TRHDE: variants seen among roughly 807,000 people sequenced by gnomAD.
TRHDE encodes the protein thyrotropin-releasing hormone-degrading ectoenzyme.
TRHDE carries 72 observed loss-of-function variants against 125.7 expected under a neutral mutation model. That is an observed-to-expected ratio of 0.57 (90% CI 0.47 to 0.70). The LOEUF (loss-of-function observed/expected upper bound fraction) is 0.70, where lower values mean the gene tolerates loss of function less well. Ranked by LOEUF, TRHDE falls within the 30% of genes least tolerant of loss-of-function variation. TRHDE has a pLI of 0.00. For missense variants in TRHDE, 1,110 were observed against 1,327.1 expected (o/e 0.84, Z 2.54); for synonymous variants, 509 against 509.1 (o/e 1.00, Z 0.00).
chr12:72,399,763 T>C (rs931694756), intron 3 of TRHDE, among the ~76,000 whole-genome samples: 1 of 152,162 alleles, frequency 6.6e-6, no homozygotes, highest in Non-Finnish European at 1.5e-5. Context: ...GATTCTTTAT[T>C]AAAGTGTAGT....
At chr12:72,279,068 C>A (rs1480248957) in intron 1 of TRHDE, among the ~76,000 whole-genome samples, 1 of 152,150 alleles carries the variant, frequency 6.6e-6, no homozygotes, top group Non-Finnish European at 1.5e-5. Context: ...TAAAGATGGA[C>A]CTGATACTGG....
intron 1 of TRHDE, among the ~76,000 whole-genome samples, chr12:72,095,221 C>A (rs914965556): frequency 1.3e-5 from 2 of 152,212 alleles, no homozygotes; most frequent in Admixed American, 6.5e-5. Flanking sequence ...CTTGGCTAGG[C>A]TGCTGCCAAC....
intron 2 of TRHDE, among the ~76,000 whole-genome samples, chr12:72,134,504 A>G (rs1310729549): frequency 6.6e-6 from 1 of 152,160 alleles, no homozygotes; most frequent in Non-Finnish European, 1.5e-5. Flanking sequence ...TCTCCTTCCA[A>G]GTTCCTAAGA....
At chr12:72,503,322 G>T (rs1175039371) in intron 6 of TRHDE, among the ~76,000 whole-genome samples, 1 of 152,104 alleles carries the variant, frequency 6.6e-6, no homozygotes, top group Admixed American at 6.6e-5. Context: ...CAGAAAATCA[G>T]GTTCCAGAGC....
At chr12:72,298,411 A>G (rs1880384168) in intron 2 of TRHDE, among the ~76,000 whole-genome samples, 1 of 152,174 alleles carries the variant, frequency 6.6e-6, no homozygotes, top group Non-Finnish European at 1.5e-5. Flanking sequence ...ATCTAGAGTA[A>G]AGTAATGGCA....
At chr12:72,392,030 T>C (rs566200768) in intron 3 of TRHDE, among the ~76,000 whole-genome samples, 1 of 151,820 alleles carries the variant, frequency 6.6e-6, no homozygotes, top group South Asian at 2.1e-4. Context: ...GGAAGAGAGA[T>C]CTCTCTCTCT....
chr12:72,519,434 A>T (rs577508995), intron 6 of TRHDE, among the ~76,000 whole-genome samples: 1 of 152,136 alleles, frequency 6.6e-6, no homozygotes, highest in Non-Finnish European at 1.5e-5. Flanking sequence ...AGTTGATCGC[A>T]TCGGCTCCTG....
chr12:72,643,195 T>G (rs1034286014), intron 15 of TRHDE, among the ~76,000 whole-genome samples: 2 of 152,226 alleles, frequency 1.3e-5, no homozygotes, highest in African/African-American at 4.8e-5. Flanking sequence ...TTTAAACCTA[T>G]GCAATTGTAC....
intron 7 of TRHDE, among the ~76,000 whole-genome samples, chr12:72,553,531 C>T (rs1869773662): frequency 6.6e-6 from 1 of 151,920 alleles, no homozygotes; most frequent in African/African-American, 2.4e-5. Flanking sequence ...AATTAGTGTG[C>T]CCATTCCATG....
intron 3 of TRHDE, among the ~76,000 whole-genome samples, chr12:72,401,929 A>C (rs1253515691): frequency 6.6e-6 from 1 of 152,164 alleles, no homozygotes; most frequent in Non-Finnish European, 1.5e-5. Flanking sequence ...TTGAAGCTTA[A>C]AATGGTTACT....
At chr12:72,315,344 A>C (rs1284659112) in intron 2 of TRHDE, among the ~76,000 whole-genome samples, 1 of 152,116 alleles carries the variant, frequency 6.6e-6, no homozygotes, top group Non-Finnish European at 1.5e-5. Context: ...GGTCTTATAC[A>C]AGTTCCTCAA....
Position 72,273,316 on chromosome 12 carries a change from G to T in TRHDE, c.673G>T (p.Val225Leu), listed in dbSNP as rs761335138. 1 of 1,613,748 alleles carries T rather than the reference G, an allele frequency of 6.2e-7. No homozygotes were observed. Among genetic ancestry groups the T allele is most frequent in the South Asian group, 1.1e-5 (1 of 91,068 alleles). ...CGCGTGCCGGAACGCCACCCGCTACGTAGTGCTGCACGCTTCCCGAGTGGC... is the reference window on the plus strand; with the variant it reads ...CGCGTGCCGGAACGCCACCCGCTACTTAGTGCTGCACGCTTCCCGAGTGGC... ...EIACRNATRY[V>L]VLHASRVAVE... Residue 225 changes from valine (V) to leucine (L), a missense_variant, in exon 1 of 19, where the codon GTA becomes TTA. Physicochemically the swap from Val to Leu is conservative, Grantham distance 32 (BLOSUM62 1). Coordinates refer to ENST00000261180, the MANE Select transcript of TRHDE (RefSeq NM_013381.3). The surrounding 1 kb of genome is among the most constrained non-coding windows in gnomAD (Gnocchi z 5.3).
At chr12:72,251,475 T>C (rs2139387216) in intron 2 of TRHDE, among the ~76,000 whole-genome samples, 1 of 150,734 alleles carries the variant, frequency 6.6e-6, no homozygotes, top group African/African-American at 2.4e-5. Context: ...ATCCAAGTTA[T>C]AAGGTGTATG....
At chr12:72,552,382 A>G (rs901631171) in intron 7 of TRHDE, among the ~76,000 whole-genome samples, 2 of 152,172 alleles carry the variant, frequency 1.3e-5, no homozygotes, top group African/African-American at 4.8e-5. Flanking sequence ...TTCGGTGAAG[A>G]GAGTGGTATG....
intron 3 of TRHDE, among the ~76,000 whole-genome samples, chr12:72,468,437 A>T (rs137998611): frequency 6.6e-6 from 1 of 152,338 alleles, no homozygotes; most frequent in African/African-American, 2.4e-5. Context: ...TGTACAAACA[A>T]TACCATAGCG....
chr12:72,238,384 T>A (rs1255331603), intron 2 of TRHDE, among the ~76,000 whole-genome samples: 11 of 54,146 alleles, frequency 2.0e-4, no homozygotes, highest in East Asian at 8.6e-4. Context: ...TATATATATT[T>A]TTTTTTAACT....
At chr12:72,297,084 A>C (rs1022280207) in intron 2 of TRHDE, among the ~76,000 whole-genome samples, 4 of 152,170 alleles carry the variant, frequency 2.6e-5, no homozygotes, top group African/African-American at 7.2e-5. Context: ...AGAACCCAGG[A>C]ATAAGAATAG....
At chr12:72,358,296 T>A (rs1234047231) in intron 2 of TRHDE, among the ~76,000 whole-genome samples, 2 of 151,584 alleles carry the variant, frequency 1.3e-5, no homozygotes, top group Non-Finnish European at 3.0e-5. Flanking sequence ...ACCCCTCCTC[T>A]TTCTTCTCCT....
chr12:72,343,238 G>C (rs540847998), intron 2 of TRHDE, among the ~76,000 whole-genome samples: 14 of 152,076 alleles, frequency 9.2e-5, no homozygotes, highest in South Asian at 6.2e-4. Context: ...ATTGGGTATT[G>C]GTGCCAGGGA....
Sources: gnomAD v4.1 joint callset for allele counts (sites outside exome capture counted in the v4.1 genomes callset) on GRCh38, gnomAD v4.1.1 for gene constraint, Gnocchi (gnomAD v3.1) non-coding constraint, MANE v1.5 for transcripts, NCBI Gene and HGNC (gene_info 2026-07-23, HGNC 2026-07-21) for gene names.